PALM2AKAP2: variants seen among roughly 807,000 people sequenced by gnomAD.
The protein encoded by PALM2AKAP2 is PALM2-AKAP2 fusion protein.
PALM2AKAP2 carries 37 observed loss-of-function variants against 71.5 expected under a neutral mutation model. The ratio of observed to expected loss-of-function variants is 0.52; its 90% CI spans 0.40 to 0.68. The LOEUF (loss-of-function observed/expected upper bound fraction) is 0.68. PALM2AKAP2 is among the 30% of genes least tolerant of loss of function. The pLI is 0.00. For missense variants in PALM2AKAP2, 1,224 were observed against 1,191.8 expected (o/e 1.03, Z -0.40); for synonymous variants, 468 against 478.8 (o/e 0.98, Z 0.29).
intron 1 of PALM2AKAP2, among the ~76,000 whole-genome samples, chr9:109,673,475 G>A (rs1279192096): frequency 1.3e-5 from 2 of 151,768 alleles, no homozygotes; most frequent in East Asian, 1.9e-4. Context: ...AGACTGTTAC[G>A]ATTTCAGTTG....
intron 1 of PALM2AKAP2, among the ~76,000 whole-genome samples, chr9:109,823,780 G>A (rs1488720086): frequency 2.6e-5 from 4 of 152,200 alleles, no homozygotes; most frequent in Admixed American, 6.5e-5. Flanking sequence ...GGTGAGGGGA[G>A]TAAATAGAAG....
At chr9:110,090,152 C>A (rs145697645) in intron 1 of PALM2AKAP2, 9 of 311,464 alleles carry the variant, frequency 2.9e-5, no homozygotes, top group African/African-American at 2.0e-4. Context: ...AGAAGTCGGG[C>A]CGGTTCACAT....
chr9:109,949,614 T>C (rs956919517), intron 6 of PALM2AKAP2, among the ~76,000 whole-genome samples: 4 of 152,172 alleles, frequency 2.6e-5, no homozygotes, highest in African/African-American at 7.2e-5. Flanking sequence ...GGCCAAGCCT[T>C]GGGGGCATGA....
intron 5 of PALM2AKAP2, among the ~76,000 whole-genome samples, chr9:109,929,037 C>G (rs999627659): frequency 2.0e-5 from 3 of 152,168 alleles, no homozygotes; most frequent in African/African-American, 7.2e-5. Context: ...AGCTTGTAGC[C>G]AGTAAACATC....
chr9:109,715,895 G>A (rs1338438131), intron 1 of PALM2AKAP2, among the ~76,000 whole-genome samples: 1 of 151,938 alleles, frequency 6.6e-6, no homozygotes, highest in Non-Finnish European at 1.5e-5. Context: ...TTCTCTATGT[G>A]TTACCACTTC....
chr9:109,717,319 A>G (rs1365999008), intron 1 of PALM2AKAP2, among the ~76,000 whole-genome samples: 1 of 152,172 alleles, frequency 6.6e-6, no homozygotes, highest in Non-Finnish European at 1.5e-5. Flanking sequence ...TTCATGGCCT[A>G]TCTGCTTTGG....
intron 1 of PALM2AKAP2, among the ~76,000 whole-genome samples, chr9:110,126,845 G>T (rs1835618029): frequency 6.6e-6 from 1 of 152,286 alleles, no homozygotes; most frequent in South Asian, 2.1e-4. Flanking sequence ...ACATTTTCCA[G>T]ATGTGATTGG....
chr9:109,826,631 G>A (rs1828157706), intron 1 of PALM2AKAP2, among the ~76,000 whole-genome samples: 1 of 152,174 alleles, frequency 6.6e-6, no homozygotes, highest in Non-Finnish European at 1.5e-5. Context: ...TTGCAAAAGG[G>A]AGATAGGGAA....
At chr9:109,914,518 T>C (rs56146471) in intron 3 of PALM2AKAP2, among the ~76,000 whole-genome samples, 23,980 of 152,202 alleles carry the variant, frequency 0.16, 2,388 homozygotes, top group East Asian at 0.26. Flanking sequence ...TTCATAAACA[T>C]GTGGGCAGCT....
exon 2 of PALM2AKAP2, chr9:110,136,548 A>G: frequency 6.2e-7 from 1 of 1,613,538 alleles, no homozygotes; most frequent in Non-Finnish European, 8.5e-7. Flanking sequence ...GAACCCACTG[A>G]AAGAACAGCT....
At chr9:109,935,083 C>T (rs890767249) in intron 6 of PALM2AKAP2, among the ~76,000 whole-genome samples, 8 of 152,184 alleles carry the variant, frequency 5.3e-5, no homozygotes, top group Non-Finnish European at 7.3e-5. Context: ...ATTTCAAACA[C>T]GCGCAGTTCC....
intron 1 of PALM2AKAP2, among the ~76,000 whole-genome samples, chr9:110,094,569 C>G (rs1446781977): frequency 6.7e-6 from 1 of 149,968 alleles, no homozygotes; most frequent in Non-Finnish European, 1.5e-5. Flanking sequence ...GTGAGCACTT[C>G]ATATAGCCAG....
intron 1 of PALM2AKAP2, among the ~76,000 whole-genome samples, chr9:110,092,861 G>T (rs551905772): frequency 6.6e-6 from 1 of 152,094 alleles, no homozygotes; most frequent in Non-Finnish European, 1.5e-5. Context: ...TCTCAATTCC[G>T]TACAGTTCCA....
chr9:109,910,752 G>A (rs1421029876), intron 3 of PALM2AKAP2, among the ~76,000 whole-genome samples: 4 of 152,064 alleles, frequency 2.6e-5, no homozygotes, highest in African/African-American at 9.7e-5. Flanking sequence ...GAGGGCAGAG[G>A]GACTGAGGCT....
intron 3 of PALM2AKAP2, among the ~76,000 whole-genome samples, chr9:109,908,285 G>A (rs1457146454): frequency 1.3e-5 from 2 of 152,124 alleles, no homozygotes; most frequent in African/African-American, 4.8e-5. Context: ...CAAGATGTTG[G>A]AAAAGAAAAA....
chr9:109,943,370 A>G (rs776820674), intron 6 of PALM2AKAP2: 2 of 1,614,036 alleles, frequency 1.2e-6, no homozygotes, highest in Non-Finnish European at 1.7e-6. Context: ...CTAGCTACAG[A>G]GCCAGCCCCA....
chr9:109,747,668 A>C (rs1828822765), intron 1 of PALM2AKAP2, among the ~76,000 whole-genome samples: 1 of 151,978 alleles, frequency 6.6e-6, no homozygotes, highest in Non-Finnish European at 1.5e-5. Context: ...GTAACTCCAT[A>C]ATTTTTTTCT....
chr9:110,159,407 A>G (rs1301698092), intron 3 of PALM2AKAP2, among the ~76,000 whole-genome samples: 4 of 152,186 alleles, frequency 2.6e-5, no homozygotes, highest in Non-Finnish European at 5.9e-5. Flanking sequence ...GCATTTTGGC[A>G]TGCCGTTTTG....
chr9:109,671,841 T>C (rs543819564), intron 1 of PALM2AKAP2, among the ~76,000 whole-genome samples: 69 of 152,246 alleles, frequency 4.5e-4, no homozygotes, highest in Non-Finnish European at 8.1e-4. Context: ...TCCTAGGAAT[T>C]TTATTATTTT....
Sources: gnomAD v4.1 joint callset for allele counts (sites outside exome capture counted in the v4.1 genomes callset) on GRCh38, gnomAD v4.1.1 for gene constraint, MANE v1.5 for transcripts, NCBI Gene and HGNC (gene_info 2026-07-23, HGNC 2026-07-21) for gene names.